PP2D1: variants seen among roughly 807,000 people sequenced by gnomAD.
PP2D1 encodes protein phosphatase 2C-like domain-containing protein 1.
A neutral mutation model predicts 30.2 loss-of-function variants in PP2D1; 25 were observed. That is an observed-to-expected ratio of 0.83 (90% confidence interval 0.60 to 1.16). PP2D1 has a LOEUF of 1.16. Among genes scored for constraint, PP2D1 ranks in the 50% most tolerant of loss-of-function variants. PP2D1 has a pLI of 0.00. For synonymous variants in PP2D1, 260 were observed against 258.9 expected (o/e 1.00, Z -0.04); for missense variants, 760 against 742.4 (o/e 1.02, Z -0.28).
downstream of PP2D1, among the ~76,000 whole-genome samples, chr3:19,982,289 G>C (rs1417899648): frequency 6.6e-6 from 1 of 152,116 alleles, no homozygotes; most frequent in African/African-American, 2.4e-5. Context: ...AGATCACAAC[G>C]AAGTGTTGAG....
chr3:19,999,161 C>A (rs1336519004), intron 2 of PP2D1, among the ~76,000 whole-genome samples: 7 of 145,168 alleles, frequency 4.8e-5, no homozygotes, highest in African/African-American at 7.8e-5. Flanking sequence ...CTCACTGCAA[C>A]CTCCGCCTCC....
chr3:20,002,199 A>G (rs1419141036), intron 1 of PP2D1, 103 bp from the exon 2 acceptor site: 3 of 687,970 alleles, frequency 4.4e-6, no homozygotes, highest in Non-Finnish European at 7.2e-6. Flanking sequence ...TCACAATCTT[A>G]TATAAGCCTA....
chr3:19,998,019 ACT>A (rs1253924538), intron 2 of PP2D1, among the ~76,000 whole-genome samples: 1 of 151,864 alleles, frequency 6.6e-6, no homozygotes, highest in South Asian at 2.1e-4. Context: ...ACATGTTGAA[ACT>A]CTGTCTCTAC....
chr3:20,005,143 A>ATT (rs372688814), intron 1 of PP2D1, among the ~76,000 whole-genome samples: 11 of 124,578 alleles, frequency 8.8e-5, no homozygotes, highest in Non-Finnish European at 1.3e-4. Context: ...TTATATATAC[A>ATT]TTTTTTTTTT....
chr3:19,998,381 GTGTTTGA>G (rs1697209822), intron 2 of PP2D1, among the ~76,000 whole-genome samples: 1 of 151,336 alleles, frequency 6.6e-6, no homozygotes, highest in Admixed American at 6.6e-5. Context: ...ATAAGTTCTA[GTGTTTGA>G]TAGCACATTA....
intron 2 of PP2D1, among the ~76,000 whole-genome samples, chr3:19,996,096 G>C (rs9878879): frequency 0.2 from 29,860 of 151,844 alleles, 2,978 homozygotes; most frequent in African/African-American, 0.27. Context: ...AAAGATCAGA[G>C]CAGAATTAAC....
chr3:19,987,915 A>G (rs929598862), intron 2 of PP2D1, among the ~76,000 whole-genome samples: 10 of 152,338 alleles, frequency 6.6e-5, no homozygotes, highest in South Asian at 2.1e-4. Context: ...CTTTACTGCA[A>G]TCTCTGAACA....
intron 2 of PP2D1, among the ~76,000 whole-genome samples, chr3:19,989,622 T>C (rs1697089824): frequency 6.6e-6 from 1 of 152,222 alleles, no homozygotes; most frequent in Non-Finnish European, 1.5e-5. Context: ...AAATTATTAC[T>C]GAATCAGCAA....
At chr3:20,005,800 C>T (rs1347294022) in intron 1 of PP2D1, among the ~76,000 whole-genome samples, 2 of 152,034 alleles carry the variant, frequency 1.3e-5, no homozygotes, top group South Asian at 4.1e-4. Flanking sequence ...AAGTAGAAAA[C>T]AAAAGAATGT....
downstream of PP2D1, among the ~76,000 whole-genome samples, chr3:19,982,433 T>C (rs1009640209): frequency 1.3e-5 from 2 of 152,228 alleles, no homozygotes; most frequent in Non-Finnish European, 1.5e-5. Context: ...TTGGGTGTTA[T>C]CTGTCCTTCC....
In PP2D1 at chr3:19,985,649, A is replaced by T. The variant is rs997041583; in HGVS notation, c.1624T>A (p.Tyr542Asn). The change falls in exon 3 of 3, where the codon TAC becomes AAC. Residue 542 changes from tyrosine (Y) to asparagine (N), a missense_variant. Around this residue, in one of 3 missense-constraint regions of PP2D1, gnomAD observed 369 missense variants for 316.2 expected, o/e 1.17. Coordinates refer to ENST00000389050, the MANE Select transcript of PP2D1 (RefSeq NM_001252657.2). ...ENLSDSNYSKYCIYNPENVET... is the reference protein window; with the variant it reads ...ENLSDSNYSKNCIYNPENVET... ...ACATTCTCAGGGTTATAAATACAGT[A>T]TTTAGAATAGTTTGAATCGGATAAA... 7 of 1,535,842 alleles carry T rather than the reference A, an allele frequency of 4.6e-6. No homozygotes were observed. Among genetic ancestry groups the T allele is most frequent in the Non-Finnish European group, 6.1e-6 (7 of 1,146,738 alleles).
At chr3:20,007,946 G>A (rs918913230) in intron 1 of PP2D1, 5 of 223,036 alleles carry the variant, frequency 2.2e-5, no homozygotes, top group Non-Finnish European at 3.0e-5. Context: ...CAGATGTGGC[G>A]CTGCCAATCT....
chr3:19,987,563 CAGG>C, intron 2 of PP2D1, among the ~76,000 whole-genome samples: 1 of 152,130 alleles, frequency 6.6e-6, no homozygotes. Flanking sequence ...TAGTTGCTTG[CAGG>C]AGGAGTTCAA....
downstream of PP2D1, among the ~76,000 whole-genome samples, chr3:19,981,984 T>C (rs1335445424): frequency 6.6e-6 from 1 of 152,076 alleles, no homozygotes; most frequent in Non-Finnish European, 1.5e-5. Flanking sequence ...GGCTCACTCC[T>C]ATAATCCCAA....
At chr3:19,983,602 T>TA, downstream of PP2D1, 2 of 747,532 alleles carry the variant, frequency 2.7e-6, no homozygotes, top group Non-Finnish European at 4.7e-6. Flanking sequence ...GGTTATATGA[T>TA]ACTTTGGGGG....
chr3:20,002,581 T>C (rs1434829715), intron 1 of PP2D1, among the ~76,000 whole-genome samples: 1 of 152,198 alleles, frequency 6.6e-6, no homozygotes, highest in African/African-American at 2.4e-5. Flanking sequence ...GTTTTTGTGA[T>C]GCTGGTGTCA....
intron 2 of PP2D1, among the ~76,000 whole-genome samples, chr3:20,000,765 T>C (rs1441916357): frequency 6.6e-6 from 1 of 152,236 alleles, no homozygotes; most frequent in Non-Finnish European, 1.5e-5. Flanking sequence ...TATCAACAAC[T>C]GTGTTGCTAC....
Position 19,993,731 on chromosome 3 carries a change from CTGTTTGTTTGTT to C in PP2D1, c.1090+7287_1090+7298del, listed in dbSNP as rs531963381. On this transcript the variant is annotated intron_variant, in intron 2 of 2. Coordinates refer to ENST00000389050, the MANE Select transcript of PP2D1 (RefSeq NM_001252657.2). ...CTCCAGTGTGGATAACAGAGCAAGA[CTGTTTGTTTGTT>C]TGTTTGTTTGTTTTGAGACGGAGTC... is the stretch of plus-strand genomic sequence containing the variant. Among the ~76,000 whole-genome samples the C allele has an allele frequency of 4.6e-5, 7 of 152,030 alleles. No individual in the cohort carries two copies. In the South Asian group the frequency reaches 1.5e-3, roughly 32 times the overall value.
At position 20,001,808 on chromosome 3, in the gene PP2D1, T is replaced by G; in HGVS notation, c.312A>C (p.Ser104=). 1.3e-6 allele frequency: 2 copies of G among 1,535,264 alleles called. No individual in the cohort carries two copies. Among genetic ancestry groups the G allele is most frequent in the Non-Finnish European group, 1.7e-6 (2 of 1,146,634 alleles). Residue 104 remains serine (S), a synonymous_variant, in exon 2 of 3, where the codon TCA becomes TCC. Coordinates refer to ENST00000389050, the MANE Select transcript of PP2D1 (RefSeq NM_001252657.2). ...TGAACTGTCTCTGAACAGCAATCAC[T>G]GAGGGCTGTGGTTTCTTTCTACCCA... is the stretch of plus-strand genomic sequence containing the variant. ...QWMGRKKPQP[S]VIAVQRQFMI...
Sources: gnomAD v4.1 joint callset for allele counts (sites outside exome capture counted in the v4.1 genomes callset) on GRCh38, gnomAD v4.1.1 for gene constraint, gnomAD v4.1.1 regional missense constraint, MANE v1.5 for transcripts, NCBI Gene and HGNC (gene_info 2026-07-23, HGNC 2026-07-21) for gene names.